CDKAL1: variants seen among roughly 807,000 people sequenced by gnomAD.
The protein encoded by CDKAL1 is CDKAL1 threonylcarbamoyladenosine tRNA methylthiotransferase, also known as threonylcarbamoyladenosine tRNA methylthiotransferase.
In CDKAL1, 32 loss-of-function variants were observed where a neutral mutation model predicts 68.2. That is an observed-to-expected ratio of 0.47 (90% CI 0.35 to 0.63). CDKAL1 has a LOEUF of 0.63. Ranked by LOEUF, CDKAL1 falls within the 30% of genes least tolerant of loss-of-function variation. The pLI, the probability that CDKAL1 is intolerant of heterozygous loss-of-function variation, is 0.00. For missense variants in CDKAL1, 606 were observed against 696.7 expected (o/e 0.87, Z 1.47); for synonymous variants, 234 against 244.3 (o/e 0.96, Z 0.39).
chr6:20,660,029 A>G (rs1194171683), intron 5 of CDKAL1, among the ~76,000 whole-genome samples: 2 of 151,984 alleles, frequency 1.3e-5, no homozygotes. Flanking sequence ...CTCCAAATGC[A>G]TGCCCTCACC....
intron 13 of CDKAL1, among the ~76,000 whole-genome samples, chr6:21,130,025 G>A (rs2151019516): frequency 6.6e-6 from 1 of 152,066 alleles, no homozygotes; most frequent in East Asian, 1.9e-4. Flanking sequence ...AGTCTGATAT[G>A]TCTTTCACCT....
At chr6:21,094,532 T>C (rs1159481902) in intron 12 of CDKAL1, among the ~76,000 whole-genome samples, 1 of 152,168 alleles carries the variant, frequency 6.6e-6, no homozygotes, top group East Asian at 1.9e-4. Context: ...GAATCTTATT[T>C]AGGTGTACAT....
intron 12 of CDKAL1, among the ~76,000 whole-genome samples, chr6:21,101,786 TCTC>T (rs980573772): frequency 2.6e-5 from 4 of 152,202 alleles, no homozygotes; most frequent in East Asian, 3.9e-4. Flanking sequence ...GAAGGGTACT[TCTC>T]CTGTTTGGTT....
In CDKAL1 at chr6:21,004,260, T is replaced by C. The variant is rs78483278; in HGVS notation, c.1055+3888T>C. Among the ~76,000 whole-genome samples, 12 of 152,318 alleles carry C rather than the reference T, an allele frequency of 7.9e-5. No individual in the cohort carries two copies. In the East Asian group the frequency reaches 2.3e-3, roughly 29 times the overall value. On this transcript the variant is annotated intron_variant, in intron 11 of 15. Coordinates refer to ENST00000274695, the MANE Select transcript of CDKAL1 (RefSeq NM_017774.3). ...TTTCTTTGCAGTTGAAAATGGCCCA[T>C]GTTTTAGCTGGTAGCAATGTAAGTT... is the stretch of plus-strand genomic sequence containing the variant.
chr6:20,645,688 G>T (rs1194866238), intron 4 of CDKAL1, among the ~76,000 whole-genome samples: 1 of 151,284 alleles, frequency 6.6e-6, no homozygotes, highest in Non-Finnish European at 1.5e-5. Flanking sequence ...CCGAGATTGC[G>T]CCACTGTACT....
chr6:21,224,006 C>A (rs752553604), intron 15 of CDKAL1, among the ~76,000 whole-genome samples: 1 of 152,164 alleles, frequency 6.6e-6, no homozygotes, highest in Non-Finnish European at 1.5e-5. Flanking sequence ...GAGCATCACA[C>A]TTCTGTCAGA....
At chr6:20,746,824 A>G (rs756040764) in intron 6 of CDKAL1, among the ~76,000 whole-genome samples, 1 of 152,146 alleles carries the variant, frequency 6.6e-6, no homozygotes, top group African/African-American at 2.4e-5. Flanking sequence ...TAACTTATCC[A>G]TCTCCTTCTG....
chr6:20,663,580 G>T (rs948474634), intron 5 of CDKAL1, among the ~76,000 whole-genome samples: 2 of 152,016 alleles, frequency 1.3e-5, no homozygotes, highest in African/African-American at 2.4e-5. Context: ...AGAAGTTCAT[G>T]GCTTAGTTGT....
At chr6:21,064,038 C>T (rs375616304) in intron 11 of CDKAL1, among the ~76,000 whole-genome samples, 6 of 152,042 alleles carry the variant, frequency 3.9e-5, no homozygotes, top group Non-Finnish European at 5.9e-5. Context: ...TAAAGAAGTG[C>T]GCATCCAAGT....
intron 9 of CDKAL1, among the ~76,000 whole-genome samples, chr6:20,855,442 C>CAAAA (rs145448785): frequency 9.3e-5 from 6 of 64,638 alleles, no homozygotes; most frequent in South Asian, 7.9e-4. Flanking sequence ...GACTCCGTCT[C>CAAAA]AAAAAAAAAA....
Position 20,682,574 on chromosome 6 carries a change from A to G in CDKAL1, c.371+33197A>G, listed in dbSNP as rs527415279. On this transcript the variant is annotated intron_variant, in intron 5 of 15. Transcript: ENST00000274695. ...AACAATGAGATCTCGTGATAACTCT[A>G]TCAGGAGAACAGCAAGGGGGATGTC... Among the ~76,000 whole-genome samples, 375 of 101,096 alleles carry G rather than the reference A, an allele frequency of 3.7e-3. 4 individuals carry two copies. Among genetic ancestry groups the G allele is most frequent in the African/African-American group, 0.012 (362 of 29,144 alleles). 66.3% of individuals were successfully genotyped at this position (101,096 alleles called of 152,430 possible). A position where few individuals can be genotyped will look rare whatever the true frequency, so the allele number is the denominator to read the frequency against.
intron 4 of CDKAL1, among the ~76,000 whole-genome samples, chr6:20,625,051 A>G (rs1370653616): frequency 1.3e-5 from 2 of 152,088 alleles, no homozygotes; most frequent in African/African-American, 4.8e-5. Context: ...CAAAAAGACA[A>G]TATTTGTCTT....
chr6:21,198,611 T>G (rs1421406135), intron 14 of CDKAL1, among the ~76,000 whole-genome samples: 1 of 152,226 alleles, frequency 6.6e-6, no homozygotes, highest in East Asian at 1.9e-4. Context: ...TTAATAAAAA[T>G]GCTGGGAGCA....
At chr6:20,624,863 G>A (rs1169169568) in intron 4 of CDKAL1, among the ~76,000 whole-genome samples, 1 of 152,020 alleles carries the variant, frequency 6.6e-6, no homozygotes, top group East Asian at 1.9e-4. Flanking sequence ...TGGAATTAGG[G>A]TAGGCTGTAG....
intron 13 of CDKAL1, among the ~76,000 whole-genome samples, chr6:21,136,602 G>A (rs1269734298): frequency 6.6e-6 from 1 of 152,154 alleles, no homozygotes; most frequent in African/African-American, 2.4e-5. Flanking sequence ...GGGGGACCAT[G>A]ACTCATTAAT....
rs564428775 is a variant in CDKAL1 at position 20,697,788 on chromosome 6, C to G, written c.372-41731C>G. ...AAACAAGTTTCAGACGAGTGAGCTACTTTTCTACAAGACTCAGGCCCCATT... is the reference window on the plus strand; with the variant it reads ...AAACAAGTTTCAGACGAGTGAGCTAGTTTTCTACAAGACTCAGGCCCCATT... On this transcript the variant is annotated intron_variant, in intron 5 of 15. Coordinates refer to ENST00000274695, the MANE Select transcript of CDKAL1 (RefSeq NM_017774.3). 5.3e-5 allele frequency among the ~76,000 whole-genome samples: 8 copies of G among 152,320 alleles called. No individual in the cohort carries two copies. The South Asian group carries it at 1.4e-3, about 28-fold the overall frequency.
chr6:21,156,566 C>A (rs1020221310), intron 13 of CDKAL1, among the ~76,000 whole-genome samples: 1 of 151,060 alleles, frequency 6.6e-6, no homozygotes, highest in Admixed American at 6.6e-5. Context: ...AACATTTATT[C>A]CTTTTGTAAA....
At chr6:20,932,656 G>A (rs1398172043) in intron 9 of CDKAL1, among the ~76,000 whole-genome samples, 1 of 152,030 alleles carries the variant, frequency 6.6e-6, no homozygotes, top group African/African-American at 2.4e-5. Context: ...CTAGGATGGC[G>A]CCAGAGTCCC....
intron 9 of CDKAL1, among the ~76,000 whole-genome samples, chr6:20,933,217 G>C (rs1763550482): frequency 2.6e-5 from 4 of 152,208 alleles, no homozygotes; most frequent in Non-Finnish European, 5.9e-5. Flanking sequence ...CTGAATTTAA[G>C]TATTTACCTT....
Sources: gnomAD v4.1 joint callset for allele counts (sites outside exome capture counted in the v4.1 genomes callset) on GRCh38, gnomAD v4.1.1 for gene constraint, MANE v1.5 for transcripts, NCBI Gene and HGNC (gene_info 2026-07-23, HGNC 2026-07-21) for gene names.